Variants in CASKIN1 observed in about 807,000 individuals in gnomAD.
The protein encoded by CASKIN1 is caskin-1.
Under a neutral mutation model 117.5 loss-of-function variants are expected in CASKIN1, and 42 were observed. That is an observed-to-expected ratio of 0.36 (90% CI 0.28 to 0.46). CASKIN1 has a LOEUF of 0.46. CASKIN1 is among the 20% of genes least tolerant of loss of function. The pLI is 1.00. For missense variants in CASKIN1, 2,083 were observed against 2,077.3 expected (o/e 1.00, Z -0.05); for synonymous variants, 1,148 against 961.7 (o/e 1.19, Z -3.59).
Position 2,180,859 on chromosome 16 carries a change from G to A in CASKIN1, c.2509C>T (p.Pro837Ser). 1 of 1,411,786 alleles carries A rather than the reference G, an allele frequency of 7.1e-7. No individual in the cohort carries two copies. Among genetic ancestry groups the A allele is most frequent in the Non-Finnish European group, 9.2e-7 (1 of 1,090,788 alleles). The allele number at this position is 1,411,786 out of a possible 1,614,324, so 87.5% of individuals were successfully genotyped here. The change falls in exon 18 of 20, where the codon CCC (proline) becomes TCC (serine). Residue 837 changes from proline to serine, a missense_variant. By Grantham distance (74) the Pro-to-Ser change is moderately conservative. Around this residue, in one of 3 missense-constraint regions of CASKIN1, gnomAD observed 1,818 missense variants for 1,688.9 expected, o/e 1.08. Coordinates refer to ENST00000343516, the MANE Select transcript of CASKIN1 (RefSeq NM_020764.4). The part of the protein sequence containing the change: ...PTHRGFAYVL[P>S]QPVEGEVGPA... Reference sequence around the variant, plus strand: ...CCCACCTCGCCCTCCACGGGCTGGGGCAGCACGTAGGCAAAGCCGCGGTGC... The same window carrying A: ...CCCACCTCGCCCTCCACGGGCTGGGACAGCACGTAGGCAAAGCCGCGGTGC...
intron 17 of CASKIN1, 45 bp from the exon 18 acceptor site, chr16:2,181,644 G>A (rs938051948): frequency 2.8e-5 from 42 of 1,522,522 alleles, no homozygotes; most frequent in Non-Finnish European, 3.3e-5. Context: ...AGGAGGCGGA[G>A]GGGCAGGGGC....
chr16:2,186,560 T>C (rs1477863585), intron 10 of CASKIN1, 147 bp downstream of exon 10: 10 of 651,402 alleles, frequency 1.5e-5, no homozygotes, highest in Non-Finnish European at 1.9e-5. Context: ...AGACGGCCGC[T>C]GGGGCACCCT....
In CASKIN1 at chr16:2,189,545, A is replaced by G; in HGVS notation, c.264T>C (p.Tyr88=). 2 of 1,609,710 alleles carry G rather than the reference A, an allele frequency of 1.2e-6. No individual in the cohort carries two copies. The highest frequency in any genetic ancestry group is 1.7e-6 in the Non-Finnish European group (2 of 1,179,064). ...KDNKGMRPLH[Y]AAWQGRKEPM... is the part of the protein sequence containing the mutation. ...GCTCCTTCCGGCCCTGCCAGGCCGC[A>G]TAGTGCAGCGGCCGCATGCCTGGGG... The change falls in exon 4 of 20, where the codon TAT becomes TAC. Residue 88 remains tyrosine (Y), a synonymous_variant. Coordinates refer to ENST00000343516, the MANE Select transcript of CASKIN1 (RefSeq NM_020764.4).
chr16:2,186,308 C>T (rs898699230), intron 10 of CASKIN1, among the ~76,000 whole-genome samples: 3 of 152,186 alleles, frequency 2.0e-5, no homozygotes, highest in Non-Finnish European at 4.4e-5. Context: ...ACCTGGAACC[C>T]ACCTGCCTCT....
chr16:2,196,234 G>C lies in CASKIN1; in HGVS notation c.94+105C>G. 7 of 248,382 alleles carry C rather than the reference G, an allele frequency of 2.8e-5. No homozygotes were observed. The highest frequency in any genetic ancestry group is 4.9e-5 in the Non-Finnish European group (7 of 143,692). The allele number at this position is 248,382 out of a possible 1,614,324, so 15.4% of individuals were successfully genotyped here. A position where few individuals can be genotyped will look rare whatever the true frequency, so the allele number is the denominator to read the frequency against. On this transcript the variant is annotated intron_variant, in intron 1 of 19. Transcript: ENST00000343516. The surrounding 1 kb of genome is among the most constrained non-coding windows in gnomAD (Gnocchi z 5.7). ...GCGCTGCTGGCCCCGCCCCGCCCCC[G>C]GGGACCCGACAACGTCCCCTCCCCG...
At chr16:2,189,996 G>T (rs915282427) in intron 3 of CASKIN1, 77 bp downstream of exon 3, 3 of 1,347,302 alleles carry the variant, frequency 2.2e-6, no homozygotes, top group African/African-American at 2.9e-5. Context: ...CCTCAGCCAA[G>T]GATCCATGCA....
intron 10 of CASKIN1, among the ~76,000 whole-genome samples, chr16:2,185,987 A>G (rs2093183184): frequency 1.3e-5 from 2 of 151,840 alleles, no homozygotes; most frequent in Admixed American, 6.6e-5. Flanking sequence ...TGTTTTAATC[A>G]TTATTTTTTT....
At chr16:2,185,954 A>G (rs1174717851) in intron 10 of CASKIN1, among the ~76,000 whole-genome samples, 2 of 152,070 alleles carry the variant, frequency 1.3e-5, no homozygotes, top group Non-Finnish European at 2.9e-5. Context: ...TTTCTTCACC[A>G]AGAGCAAACA....
Position 2,181,346 on chromosome 16 carries a change from G to A in CASKIN1, c.2022C>T (p.Thr674=), listed in dbSNP as rs2093167319. The stretch of plus-strand genomic sequence containing the variant: ...GCAGGTGGCTGGAGGGCTTCTCAGT[G>A]GTGGGCCCCACCTCAGCCGGGCCAG... ...AMTGPAEVGP[T]TEKPSSHLPP... is the part of the protein sequence containing the mutation. The change falls in exon 18 of 20, where the codon ACC becomes ACT. Residue 674 remains threonine (T), a synonymous_variant. Coordinates refer to ENST00000343516, the MANE Select transcript of CASKIN1 (RefSeq NM_020764.4). 5 of 1,607,108 alleles carry A rather than the reference G, an allele frequency of 3.1e-6. No homozygotes were observed. In the South Asian group the frequency reaches 5.5e-5, roughly 18 times the overall value.
chr16:2,187,522 C>G (rs2093188509), intron 6 of CASKIN1, 61 bp from the exon 7 acceptor site: 2 of 1,347,326 alleles, frequency 1.5e-6, no homozygotes, highest in East Asian at 2.4e-5. Context: ...CCCAGCACCC[C>G]CAAGCCAGGC....
rs778751654 is a variant in CASKIN1 at position 2,183,856 on chromosome 16, G to C, written c.1502C>G (p.Pro501Arg). 2.4e-5 allele frequency: 39 copies of C among 1,612,784 alleles called. No homozygotes were observed. The South Asian group carries it at 4.3e-4, about 18-fold the overall frequency. Residue 501 changes from proline (P) to arginine (R), a missense_variant, in exon 15 of 20, where the codon CCC becomes CGC. By Grantham distance (103) the Pro-to-Arg change is moderately radical. Coordinates refer to ENST00000343516, the MANE Select transcript of CASKIN1 (RefSeq NM_020764.4). ...CTCGGGAGTCATGCGGCTGATGGTG[G>C]GCAGGTCGTAGCCGGCGCTGATGAA... ...PNFISAGYDL[P>R]TISRMTPEDL...
rs1207771458 is a variant in CASKIN1 at position 2,187,437 on chromosome 16, G to A, written c.642C>T (p.Asp214=). ...TGCCGGACTTGGTCTGGCGGTTAAT[G>A]TCGATGCCGGCTTGGAGGAGGAGCC... ...IIRLLLQAGI[D]INRQTKSGTA... is the part of the protein sequence containing the mutation. Residue 214 remains aspartate, a synonymous_variant, in exon 7 of 20, where the codon GAC becomes GAT. Transcript: ENST00000343516. 1.2e-6 allele frequency: 2 copies of A among 1,607,712 alleles called. No homozygotes were observed. The highest frequency in any genetic ancestry group is 8.5e-7 in the Non-Finnish European group (1 of 1,179,778).
chr16:2,193,274 C>A (rs1161417725), intron 1 of CASKIN1, among the ~76,000 whole-genome samples: 3 of 152,234 alleles, frequency 2.0e-5, no homozygotes, highest in Non-Finnish European at 4.4e-5. Context: ...GCCTCAGCCT[C>A]CCAAAGTGCT....
chr16:2,185,016 G>A lies in CASKIN1; in HGVS notation c.1259C>T (p.Ser420Phe). ...EGVKLLATVL[S>F]QKSVSESGPG... The stretch of plus-strand genomic sequence containing the variant: ...GCCGGACTCAGAGACGGACTTCTGG[G>A]AAAGCACCGTTGCCAGGAGCTGCAA... The change falls in exon 13 of 20, where the codon TCC (serine) becomes TTC (phenylalanine). Residue 420 changes from serine (S) to phenylalanine (F), a missense_variant. Physicochemically the swap from Ser to Phe is radical, Grantham distance 155. Transcript: ENST00000343516. The A allele has an allele frequency of 1.9e-6, 3 of 1,609,600 alleles. No individual in the cohort carries two copies. Among genetic ancestry groups the A allele is most frequent in the Non-Finnish European group, 1.7e-6 (2 of 1,177,072 alleles).
chr16:2,181,162 C>A lies in CASKIN1; in HGVS notation c.2206G>T (p.Gly736Cys). Residue 736 changes from glycine to cysteine, a missense_variant, in exon 18 of 20, where the codon GGC (glycine) becomes TGC (cysteine). By Grantham distance (159) the Gly-to-Cys change is radical. Coordinates refer to ENST00000343516, the MANE Select transcript of CASKIN1 (RefSeq NM_020764.4). ...GGCCGGGCCTCCCTGGGCGGGGTGC[C>A]GGGGGCGGGGCCCTCATCCAGGAGG... ...EYLLDEGPAP[G>C]TPPREARPGR... 1.3e-6 allele frequency: 2 copies of A among 1,500,080 alleles called. No homozygotes were observed. The highest frequency in any genetic ancestry group is 2.3e-5 in the East Asian group (1 of 42,622). 92.9% of individuals were successfully genotyped at this position (1,500,080 alleles called of 1,614,324 possible). A position where few individuals can be genotyped will look rare whatever the true frequency, so the allele number is the denominator to read the frequency against.
rs769869454 is a variant in CASKIN1 at position 2,189,227 on chromosome 16, A to C, written c.486+11T>G. On this transcript the variant is annotated intron_variant, in intron 5 of 19. Transcript: ENST00000343516. The stretch of plus-strand genomic sequence containing the variant: ...CCAGCCCCACCCCACAGGGCTCCAC[A>C]GGAGACTCACCCCAACGCGGCCGAA... 1 of 1,612,952 alleles carries C rather than the reference A, an allele frequency of 6.2e-7. No homozygotes were observed.
intron 1 of CASKIN1, among the ~76,000 whole-genome samples, chr16:2,192,416 G>A (rs1049211275): frequency 1.3e-5 from 2 of 152,026 alleles, no homozygotes; most frequent in Admixed American, 1.3e-4. Flanking sequence ...CAGTGGCTGT[G>A]CTAGGAGGGG....
rs201669676 is a variant in CASKIN1 at position 2,181,446 on chromosome 16, G to C, written c.1922C>G (p.Pro641Arg). The C allele has an allele frequency of 6.2e-7, 1 of 1,612,278 alleles. No homozygotes were observed. The highest frequency in any genetic ancestry group is 1.7e-5 in the Admixed American group (1 of 59,978). Residue 641 changes from proline (P) to arginine (R), a missense_variant, in exon 18 of 20, where the codon CCG becomes CGG. Pro to Arg is a moderately radical substitution (Grantham distance 103). Around this residue, in one of 3 missense-constraint regions of CASKIN1, gnomAD observed 1,818 missense variants for 1,688.9 expected, o/e 1.08. Transcript: ENST00000343516. ...CATTTTAGGGGACTGGCAGTCGGCC[G>C]GTGTGGGCTCAGGCGGGGGCGGCGA... ...IESPPPPEPTPADCQSPKMTT... is the reference protein window; with the variant it reads ...IESPPPPEPTRADCQSPKMTT...
In CASKIN1 at chr16:2,189,265, G is replaced by A; in HGVS notation, c.459C>T (p.Asp153=). The change falls in exon 5 of 20, where the codon GAC becomes GAT. Residue 153 remains aspartate (D), a synonymous_variant. Transcript: ENST00000343516. ...CAACGCGGCCGAACTCGCAGGCCAG[G>A]TCCAGGGGCGTCTTCCCCGAGTTGT... The part of the protein sequence containing the change: ...MVDNSGKTPL[D]LACEFGRVGV... 2 of 1,613,272 alleles carry A rather than the reference G, an allele frequency of 1.2e-6. No individual in the cohort carries two copies. Among genetic ancestry groups the A allele is most frequent in the Non-Finnish European group, 1.7e-6 (2 of 1,179,906 alleles).
Sources: allele counts gnomAD v4.1 joint callset (sites outside exome capture counted in the v4.1 genomes callset), GRCh38; gene constraint gnomAD v4.1.1; regional missense constraint gnomAD v4.1.1; non-coding constraint Gnocchi (gnomAD v3.1); transcripts MANE v1.5; gene names NCBI Gene and HGNC (gene_info 2026-07-23, HGNC 2026-07-21).